The following ZNF573 variants were observed in gnomAD, a reference collection of about 807,000 sequenced individuals.
ZNF573 encodes the protein zinc finger protein 573.
ZNF573 carries 41 observed loss-of-function variants against 57.4 expected under a neutral mutation model. That is an observed-to-expected ratio of 0.71 (90% CI 0.56 to 0.93). The LOEUF is 0.93. Among genes scored for constraint, ZNF573 ranks in the 40% least tolerant of loss-of-function variants. The pLI, the probability that ZNF573 is intolerant of heterozygous loss-of-function variation, is 0.00. For synonymous variants in ZNF573, 249 were observed against 261.0 expected (o/e 0.95, Z 0.44); for missense variants, 730 against 794.8 (o/e 0.92, Z 0.98).
chr19:37,742,820 G>A (rs2045339154), intron 4 of ZNF573, among the ~76,000 whole-genome samples: 1 of 152,208 alleles, frequency 6.6e-6, no homozygotes, highest in South Asian at 2.1e-4. Flanking sequence ...AGCCAAAATT[G>A]ACAAATGGGA....
intron 4 of ZNF573, among the ~76,000 whole-genome samples, chr19:37,746,984 G>A (rs1178382403): frequency 2.0e-5 from 3 of 152,180 alleles, no homozygotes; most frequent in Non-Finnish European, 2.9e-5. Context: ...AAATGAACCT[G>A]AAGGTAGTAC....
At chr19:37,773,025 C>T in intron 2 of ZNF573, 7 of 951,010 alleles carry the variant, frequency 7.4e-6, no homozygotes, top group Non-Finnish European at 7.5e-6. Flanking sequence ...TATTCTCATT[C>T]ATCGCCATTT....
chr19:37,761,738 G>A (rs1240195459), intron 4 of ZNF573, among the ~76,000 whole-genome samples: 6 of 152,050 alleles, frequency 3.9e-5, no homozygotes, highest in Admixed American at 3.9e-4. Context: ...CACCCTTTTT[G>A]CCCAATCCTG....
At chr19:37,742,898 G>A (rs1428468424) in intron 4 of ZNF573, among the ~76,000 whole-genome samples, 1 of 152,128 alleles carries the variant, frequency 6.6e-6, no homozygotes, top group East Asian at 1.9e-4. Flanking sequence ...GCAACCTACA[G>A]AATGGGAGAA....
chr19:37,778,054 TAAGAGGTGGTCTCTTG>T (rs2045727468), intron 1 of ZNF573, among the ~76,000 whole-genome samples: 1 of 151,096 alleles, frequency 6.6e-6, no homozygotes, highest in Non-Finnish European at 1.5e-5. Context: ...AAGTAATATT[TAAGAGGTGGTCTCTTG>T]AAGTAACTAA....
chr19:37,743,335 A>AAAAG (rs1555739525), intron 4 of ZNF573, among the ~76,000 whole-genome samples: 2 of 150,876 alleles, frequency 1.3e-5, no homozygotes, highest in African/African-American at 4.9e-5. Flanking sequence ...AAAAAAAAAA[A>AAAAG]AAGAAGAAGA....
At chr19:37,740,309 A>C in intron 4 of ZNF573, 115 bp from the exon 5 acceptor site, 1 of 992,726 alleles carries the variant, frequency 1.0e-6, no homozygotes. Flanking sequence ...ATAGAATTCA[A>C]AAATATGGTT....
chr19:37,763,978 G>A (rs955118685), intron 4 of ZNF573, among the ~76,000 whole-genome samples: 6 of 149,554 alleles, frequency 4.0e-5, no homozygotes, highest in East Asian at 2.0e-4. Flanking sequence ...CAGGAGACTC[G>A]CTTGAACCCA....
At chr19:37,758,220 T>A (rs1277802752) in intron 4 of ZNF573, among the ~76,000 whole-genome samples, 4,672 of 12,510 alleles carry the variant, frequency 0.37, 931 homozygotes, top group Non-Finnish European at 0.49. Flanking sequence ...TATATATATA[T>A]ATATATATAT....
At chr19:37,753,115 C>G (rs749083174) in intron 4 of ZNF573, among the ~76,000 whole-genome samples, 1 of 151,764 alleles carries the variant, frequency 6.6e-6, no homozygotes, top group Admixed American at 6.6e-5. Flanking sequence ...AAAAATCAGC[C>G]GGGGTTGGGG....
At chr19:37,767,089 T>C (rs575414597) in intron 4 of ZNF573, among the ~76,000 whole-genome samples, 1 of 152,330 alleles carries the variant, frequency 6.6e-6, no homozygotes, top group African/African-American at 2.4e-5. Flanking sequence ...TATAGGAGCA[T>C]TGTGACCTGA....
At chr19:37,775,194 T>A (rs993752152) in intron 1 of ZNF573, among the ~76,000 whole-genome samples, 13 of 152,026 alleles carry the variant, frequency 8.6e-5, no homozygotes, top group Admixed American at 2.0e-4. Context: ...TTTAAAAAAA[T>A]TTTTTTAGAG....
chr19:37,778,024 C>CAA (rs34141847), intron 1 of ZNF573, among the ~76,000 whole-genome samples: 6,004 of 55,926 alleles, frequency 0.11, 489 homozygotes, highest in African/African-American at 0.18. Context: ...GACTCTGTCT[C>CAA]AAAAAAAAAA....
rs750289206 is a variant in ZNF573, at chr19:37,740,060, T to G, written c.430A>C (p.Ser144Arg). ...YECKKCQKKF[S>R]SGYQLILHHR... ...TGTAGAATAAGTTGATAACCACTACTAAATTTCTTCTGACATTTCTTACAT... is the reference window on the plus strand; with the variant it reads ...TGTAGAATAAGTTGATAACCACTACGAAATTTCTTCTGACATTTCTTACAT... Residue 144 changes from serine to arginine, a missense_variant, in exon 5 of 5, where the codon AGT (serine) becomes CGT (arginine). Transcript: ENST00000536220. 6.2e-7 allele frequency: 1 copy of G among 1,614,180 alleles called. No individual in the cohort carries two copies. Among genetic ancestry groups the G allele is most frequent in the Admixed American group, 1.7e-5 (1 of 60,028 alleles).
intron 4 of ZNF573, among the ~76,000 whole-genome samples, chr19:37,769,700 C>T (rs1254160364): frequency 2.2e-5 from 3 of 133,664 alleles, no homozygotes; most frequent in Non-Finnish European, 3.1e-5. Flanking sequence ...CACTCTGGCC[C>T]GGGCGACAGA....
intron 3 of ZNF573, 57 bp downstream of exon 3, chr19:37,771,507 T>G: frequency 1.9e-6 from 3 of 1,565,664 alleles, no homozygotes; most frequent in Non-Finnish European, 1.7e-6. Context: ...ATTCATTGTG[T>G]TGAAAGGTAA....
At chr19:37,764,753 G>A (rs1205791620) in intron 4 of ZNF573, among the ~76,000 whole-genome samples, 5 of 150,494 alleles carry the variant, frequency 3.3e-5, no homozygotes, top group South Asian at 2.1e-4. Flanking sequence ...ACAGGTGCCC[G>A]CCACCACGCC....
At chr19:37,763,394 G>A (rs1379713752) in intron 4 of ZNF573, among the ~76,000 whole-genome samples, 1 of 150,844 alleles carries the variant, frequency 6.6e-6, no homozygotes. Context: ...ACCACCCTTT[G>A]TATTTTGTAA....
At chr19:37,743,243 G>A (rs1358034052) in intron 4 of ZNF573, among the ~76,000 whole-genome samples, 4 of 150,614 alleles carry the variant, frequency 2.7e-5, no homozygotes, top group Admixed American at 2.0e-4. Flanking sequence ...TCACTTGAAC[G>A]CGGGAGGTAG....
Sources: allele counts gnomAD v4.1 joint callset (sites outside exome capture counted in the v4.1 genomes callset), GRCh38; gene constraint gnomAD v4.1.1; transcripts MANE v1.5; gene names NCBI Gene and HGNC (gene_info 2026-07-23, HGNC 2026-07-21).